PCDHA8: variants seen among roughly 807,000 people sequenced by gnomAD.
The protein encoded by PCDHA8 is protocadherin alpha-8.
PCDHA8 carries 53 observed loss-of-function variants against 61.8 expected under a neutral mutation model. The observed-to-expected ratio is 0.86, with a 90% confidence interval of 0.69 to 1.08. The LOEUF is 1.08. Ranked by LOEUF, PCDHA8 falls within the 50% of genes least tolerant of loss-of-function variation. PCDHA8 has a pLI of 0.00. For synonymous variants in PCDHA8, 618 were observed against 556.6 expected (o/e 1.11, Z -1.55); for missense variants, 1,293 against 1,245.0 (o/e 1.04, Z -0.58).
intron 1 of PCDHA8, among the ~76,000 whole-genome samples, chr5:140,945,375 C>T (rs1414758644): frequency 1.3e-4 from 20 of 152,006 alleles, no homozygotes; most frequent in African/African-American, 3.9e-4. Context: ...GTCCATATTA[C>T]CCAAAGCAAT....
At chr5:140,870,248 G>T in intron 1 of PCDHA8, 1 of 1,614,190 alleles carries the variant, frequency 6.2e-7, no homozygotes, top group South Asian at 1.1e-5. Context: ...GGTGTCAACG[G>T]ACAGGTGACC....
At chr5:140,875,997 T>A (rs1441666431) in intron 1 of PCDHA8, 1 of 1,613,924 alleles carries the variant, frequency 6.2e-7, no homozygotes, top group East Asian at 2.2e-5. Flanking sequence ...TAAGTCTAAA[T>A]GAGAATTTTG....
rs1285443769 is a variant in PCDHA8, at chr5:141,010,273, G to A, written c.*336G>A. 3.9e-6 allele frequency: 6 copies of A among 1,551,420 alleles called. No individual in the cohort carries two copies. The African/African-American group carries it at 8.2e-5, about 21-fold the overall frequency. Reference sequence around the variant, plus strand: ...CTCTGCCCTGTGCTCCGGGGATCCTGTCTTGATGACACTTGCAGGGCAGGC... The same window carrying A: ...CTCTGCCCTGTGCTCCGGGGATCCTATCTTGATGACACTTGCAGGGCAGGC... On this transcript the variant is annotated 3_prime_UTR_variant, in exon 4 of 4. Coordinates refer to ENST00000531613, the MANE Select transcript of PCDHA8 (RefSeq NM_018911.3).
intron 1 of PCDHA8, among the ~76,000 whole-genome samples, chr5:140,919,772 A>G (rs1421766938): frequency 6.6e-6 from 1 of 152,102 alleles, no homozygotes; most frequent in Non-Finnish European, 1.5e-5. Context: ...TATTACTGTT[A>G]CACATATTAC....
intron 1 of PCDHA8, among the ~76,000 whole-genome samples, chr5:140,977,702 A>C (rs1420121979): frequency 1.3e-5 from 2 of 152,190 alleles, no homozygotes; most frequent in African/African-American, 4.8e-5. Context: ...AATCTGTCTG[A>C]ATATTGAGAT....
At chr5:140,852,885 AT>A (rs2150523673) in intron 1 of PCDHA8, 17,743 of 732,756 alleles carry the variant, frequency 0.024, 6 homozygotes, top group Non-Finnish European at 0.027. Flanking sequence ...CATAAAACGT[AT>A]TTTTTTTTTT....
At chr5:140,927,201 C>T (rs1330352185) in intron 1 of PCDHA8, 7 of 1,614,032 alleles carry the variant, frequency 4.3e-6, no homozygotes, top group Non-Finnish European at 5.1e-6. Flanking sequence ...TGCTCGAGGA[C>T]CCGCTGGAGC....
At position 141,004,143 on chromosome 5, in the gene PCDHA8, C is replaced by T. The variant is rs1023273119; in HGVS notation, c.2543-5484C>T. 2.6e-5 allele frequency among the ~76,000 whole-genome samples: 4 copies of T among 152,252 alleles called. No homozygotes were observed. In the East Asian group the frequency reaches 7.7e-4, roughly 29 times the overall value. ...TATCTCCATGATTCTGCCCCAAAGG[C>T]ATGACATTTTATAGGCAAAGCCAGC... On this transcript the variant is annotated intron_variant, in intron 3 of 3. Transcript: ENST00000531613.
Position 140,864,265 on chromosome 5 carries a change from TC to T in PCDHA8, c.2394+20552del, listed in dbSNP as rs534238956. On this transcript the variant is annotated intron_variant, in intron 1 of 3. Coordinates refer to ENST00000531613, the MANE Select transcript of PCDHA8 (RefSeq NM_018911.3). ...ATTCATTTTCTTATTCTGATTTGTG[TC>T]CTCCATTCCTTATTGTTTTTATGTA... 9 of 152,340 alleles carry T rather than the reference TC, an allele frequency of 5.9e-5. No individual in the cohort carries two copies. In the East Asian group the frequency reaches 1.3e-3, roughly 23 times the overall value. The allele number at this position is 152,340 out of a possible 1,614,324, so 9.4% of individuals were successfully genotyped here.
intron 1 of PCDHA8, chr5:140,870,249 A>T (rs1554163944): frequency 6.2e-7 from 1 of 1,614,160 alleles, no homozygotes; most frequent in Non-Finnish European, 8.5e-7. Flanking sequence ...GTGTCAACGG[A>T]CAGGTGACCT....
chr5:140,867,064 T>C (rs890190808), intron 1 of PCDHA8: 7 of 152,176 alleles, frequency 4.6e-5, no homozygotes, highest in Admixed American at 1.3e-4. Flanking sequence ...CTACTTTATA[T>C]ATTCACAAAA....
intron 1 of PCDHA8, among the ~76,000 whole-genome samples, chr5:140,897,478 G>T (rs1554187409): frequency 1.3e-5 from 2 of 151,844 alleles, no homozygotes; most frequent in African/African-American, 4.8e-5. Flanking sequence ...TGAGAATGAT[G>T]ATTTCCAATT....
intron 1 of PCDHA8, among the ~76,000 whole-genome samples, chr5:140,888,767 T>G (rs927723567): frequency 6.6e-6 from 1 of 152,048 alleles, no homozygotes; most frequent in Non-Finnish European, 1.5e-5. Flanking sequence ...TTTTTTTTAA[T>G]TTTGAAGGGA....
rs1464673358 is a variant in PCDHA8 at position 140,894,228 on chromosome 5, A to T, written c.2394+50513A>T. 2.6e-5 allele frequency among the ~76,000 whole-genome samples: 4 copies of T among 152,088 alleles called. No homozygotes were observed. In the South Asian group the frequency reaches 8.3e-4, roughly 31 times the overall value. ...TTATATTCTCATTTTAAAGATGTTG[A>T]ATGACAATGTAATTTTCTTTTCTTT... is the stretch of plus-strand genomic sequence containing the variant. On this transcript the variant is annotated intron_variant, in intron 1 of 3. Transcript: ENST00000531613.
intron 3 of PCDHA8, among the ~76,000 whole-genome samples, chr5:140,997,807 G>A (rs557351308): frequency 4.5e-4 from 68 of 152,118 alleles, no homozygotes; most frequent in African/African-American, 1.5e-3. Context: ...CCAATTTGCT[G>A]TTGGTATCTA....
intron 1 of PCDHA8, among the ~76,000 whole-genome samples, chr5:140,948,492 A>G (rs915795889): frequency 4.0e-5 from 6 of 151,594 alleles, no homozygotes; most frequent in Non-Finnish European, 8.9e-5. Flanking sequence ...AATTTCTTTC[A>G]TAGACTTTCT....
chr5:140,850,702 A>AAG, intron 1 of PCDHA8: 1 of 1,598,166 alleles, frequency 6.3e-7, no homozygotes, highest in Non-Finnish European at 8.6e-7. Flanking sequence ...GCGCCTGGCA[A>AAG]GCCGACGCTG....
rs782766953 is a variant in PCDHA8 at position 140,875,544 on chromosome 5, G to C, written c.2394+31829G>C. On this transcript the variant is annotated intron_variant, in intron 1 of 3. Coordinates refer to ENST00000531613, the MANE Select transcript of PCDHA8 (RefSeq NM_018911.3). ...TCTCGCTTCTGCTCCTTGCAGCCTG[G>C]GAGGTGGGGAGCGGCCAGCTCCACT... 9.0e-5 allele frequency: 146 copies of C among 1,614,052 alleles called. No homozygotes were observed. The East Asian group carries it at 3.2e-3, about 36-fold the overall frequency.
chr5:140,882,066 T>G (rs1198525083), intron 1 of PCDHA8: 1 of 845,446 alleles, frequency 1.2e-6, no homozygotes, highest in East Asian at 2.7e-5. Context: ...TACACGTTCA[T>G]GCGCATGGTG....
Sources: gnomAD v4.1 joint callset for allele counts (sites outside exome capture counted in the v4.1 genomes callset) on GRCh38, gnomAD v4.1.1 for gene constraint, MANE v1.5 for transcripts, NCBI Gene and HGNC (gene_info 2026-07-23, HGNC 2026-07-21) for gene names.